CPLANE1: variants seen among roughly 807,000 people sequenced by gnomAD.
CPLANE1 encodes ciliogenesis and planar polarity effector 1.
CPLANE1 carries 263 observed loss-of-function variants against 362.5 expected under a neutral mutation model. The observed-to-expected ratio is 0.73, with a 90% CI of 0.66 to 0.80. The LOEUF (loss-of-function observed/expected upper bound fraction) is 0.80. CPLANE1 is among the 30% of genes least tolerant of loss of function. CPLANE1 has a pLI of 0.00. For missense variants in CPLANE1, 3,461 were observed against 3,793.4 expected, an observed-to-expected ratio of 0.91 and a Z score of 2.30; for synonymous variants, 1,212 against 1,302.6, an observed-to-expected ratio of 0.93 and a Z score of 1.50.
chr5:37,244,714 C>A, intron 4 of CPLANE1, 107 bp from the exon 5 acceptor site: 1 of 743,450 alleles, frequency 1.3e-6, no homozygotes, highest in Non-Finnish European at 2.1e-6. Context: ...AATAATGTTA[C>A]CATTCAGGAT....
chr5:37,213,787 A>C (rs1387342610), intron 15 of CPLANE1, 55 bp from the exon 16 acceptor site: 27 of 1,308,770 alleles, frequency 2.1e-5, no homozygotes, highest in Non-Finnish European at 2.7e-5. Flanking sequence ...AAAAGTAATA[A>C]TATTTAAGTT....
chr5:37,099,648 T>C, the CPLANE1 span, among the ~76,000 whole-genome samples: 1 of 152,190 alleles, frequency 6.6e-6, no homozygotes, highest in Admixed American at 6.5e-5. Flanking sequence ...TTTCTTTGGG[T>C]AAATAACCAG....
intron 21 of CPLANE1, among the ~76,000 whole-genome samples, chr5:37,188,221 A>G (rs181114873): frequency 4.8e-4 from 73 of 152,268 alleles, no homozygotes; most frequent in African/African-American, 1.5e-3. Context: ...GTAATATACT[A>G]AGTCTTCTTG....
At chr5:37,203,219 CT>C (rs1361196310) in intron 18 of CPLANE1, among the ~76,000 whole-genome samples, 3 of 152,152 alleles carry the variant, frequency 2.0e-5, no homozygotes, top group South Asian at 2.1e-4. Flanking sequence ...CAGGCAACCC[CT>C]GATCTGTTTT....
chr5:37,091,164 G>C, the CPLANE1 span, among the ~76,000 whole-genome samples: 3 of 152,154 alleles, frequency 2.0e-5, no homozygotes, highest in African/African-American at 7.2e-5. Flanking sequence ...GTTAACCCTA[G>C]AGGATTAGAA....
intron 44 of CPLANE1, chr5:37,139,702 C>A: frequency 2.6e-6 from 1 of 384,764 alleles, no homozygotes; most frequent in Non-Finnish European, 3.6e-6. Context: ...AGGTGTGTGC[C>A]GCAATGCAGG....
At chr5:37,142,077 ATAT>A (rs1404806170) in intron 44 of CPLANE1, 3 of 970,042 alleles carry the variant, frequency 3.1e-6, no homozygotes, top group Non-Finnish European at 2.6e-6. Flanking sequence ...TATATATTTC[ATAT>A]TAATAAGTTA....
chr5:37,163,665 G>C (rs939300424), intron 37 of CPLANE1, among the ~76,000 whole-genome samples: 1 of 152,160 alleles, frequency 6.6e-6, no homozygotes, highest in Admixed American at 6.6e-5. Flanking sequence ...TTTCCTGATA[G>C]GAGTGTCTGT....
intron 25 of CPLANE1, among the ~76,000 whole-genome samples, chr5:37,184,126 C>T (rs1783366382): frequency 6.6e-6 from 1 of 152,132 alleles, no homozygotes; most frequent in South Asian, 2.1e-4. Flanking sequence ...GCTCAGCTCC[C>T]CTAATACCAT....
At chr5:37,098,119 CAT>C in the CPLANE1 span, among the ~76,000 whole-genome samples, 1 of 151,962 alleles carries the variant, frequency 6.6e-6, no homozygotes, top group Non-Finnish European at 1.5e-5. Flanking sequence ...GCAGGCCAGG[CAT>C]GGTGGCTCAC....
chr5:37,112,798 A>G (rs1561287085), intron 51 of CPLANE1, among the ~76,000 whole-genome samples: 2 of 152,224 alleles, frequency 1.3e-5, no homozygotes, highest in Admixed American at 6.5e-5. Context: ...AGTCATACAC[A>G]TTTCTAACTT....
intron 19 of CPLANE1, among the ~76,000 whole-genome samples, chr5:37,200,443 T>C (rs972652327): frequency 6.6e-6 from 1 of 152,222 alleles, no homozygotes; most frequent in Non-Finnish European, 1.5e-5. Context: ...AAAGATGAAT[T>C]ATTGAGAAAT....
At chr5:37,174,097 T>G in intron 31 of CPLANE1, 150 bp from the exon 32 acceptor site, 1 of 672,018 alleles carries the variant, frequency 1.5e-6, no homozygotes, top group South Asian at 2.0e-5. Flanking sequence ...CCTAAAGCCT[T>G]TCTCTCTAGT....
Position 37,183,054 on chromosome 5 carries a change from G to C in CPLANE1, c.5127C>G (p.Pro1709=). ...TACATCTTCTAGTTTTAATGGACTT[G>C]GGAGTCCAAAAAATGTGGTTTGATG... ...QRSSNHIFWT[P]KSIKTRRCIF... Residue 1709 remains proline, a synonymous_variant, in exon 26 of 53, where the codon CCC becomes CCG. Coordinates refer to ENST00000651892, the MANE Select transcript of CPLANE1 (RefSeq NM_001384732.1). 1 of 1,613,222 alleles carries C rather than the reference G, an allele frequency of 6.2e-7. No homozygotes were observed. Among genetic ancestry groups the C allele is most frequent in the Non-Finnish European group, 8.5e-7 (1 of 1,179,802 alleles).
At position 37,218,915 on chromosome 5, in the gene CPLANE1, A is replaced by G. The variant is rs199674155; in HGVS notation, c.2746+2409T>C. ...GTGAGCTGAGATAGTGCCATTGCACACTAGCCTGTGCCACAAGAGCGAAAC... is the reference window on the plus strand; with the variant it reads ...GTGAGCTGAGATAGTGCCATTGCACGCTAGCCTGTGCCACAAGAGCGAAAC... On this transcript the variant is annotated intron_variant, in intron 15 of 52. Transcript: ENST00000651892. Among the ~76,000 whole-genome samples, 6 of 151,956 alleles carry G rather than the reference A, an allele frequency of 3.9e-5. No individual in the cohort carries two copies. In the East Asian group the frequency reaches 1.2e-3, roughly 29 times the overall value.
At chr5:37,120,175 G>C in intron 50 of CPLANE1, 41 bp downstream of exon 50, 1 of 1,571,380 alleles carries the variant, frequency 6.4e-7, no homozygotes, top group Non-Finnish European at 8.6e-7. Flanking sequence ...AGAAGGAATA[G>C]GTCCAAATCA....
intron 50 of CPLANE1, among the ~76,000 whole-genome samples, chr5:37,119,911 T>C (rs1330887416): frequency 1.3e-5 from 2 of 151,464 alleles, no homozygotes; most frequent in Non-Finnish European, 2.9e-5. Context: ...GGCATGAACC[T>C]GGGAGGCAGA....
intron 38 of CPLANE1, among the ~76,000 whole-genome samples, chr5:37,159,756 CTT>C (rs1776350622): frequency 6.6e-6 from 1 of 152,196 alleles, no homozygotes; most frequent in Non-Finnish European, 1.5e-5. Flanking sequence ...TTCCCTCTCT[CTT>C]AATTGATTGG....
intron 19 of CPLANE1, among the ~76,000 whole-genome samples, chr5:37,199,254 C>T (rs576809884): frequency 1.9e-4 from 29 of 152,222 alleles, no homozygotes; most frequent in Middle Eastern, 6.8e-3. Context: ...CTCCCCTCAA[C>T]GTAAAGGGAT....
Sources: allele counts gnomAD v4.1 joint callset (sites outside exome capture counted in the v4.1 genomes callset), GRCh38; gene constraint gnomAD v4.1.1; transcripts MANE v1.5; gene names NCBI Gene and HGNC (gene_info 2026-07-23, HGNC 2026-07-21).